The following TIAM1 variants were observed in gnomAD, a reference collection of about 807,000 sequenced individuals.
The protein encoded by TIAM1 is TIAM Rac1 associated GEF 1.
TIAM1 carries 65 observed loss-of-function variants against 163.5 expected under a neutral mutation model. The observed-to-expected ratio is 0.40, with a 90% CI of 0.33 to 0.49. The LOEUF (loss-of-function observed/expected upper bound fraction) is 0.49, where lower values mean the gene tolerates loss of function less well. TIAM1 is among the 20% of genes least tolerant of loss of function. The pLI is 0.77. For missense variants in TIAM1, 1,789 were observed against 2,044.7 expected, an observed-to-expected ratio of 0.87 and a Z score of 2.41; for synonymous variants, 833 against 810.1, an observed-to-expected ratio of 1.03 and a Z score of -0.48.
intron 2 of TIAM1, among the ~76,000 whole-genome samples, chr21:31,355,445 C>A (rs1238290420): frequency 6.6e-6 from 1 of 152,182 alleles, no homozygotes; most frequent in East Asian, 1.9e-4. Flanking sequence ...GTCCTCCTGG[C>A]CAGTGGCCCC....
At chr21:31,196,639 A>C (rs2085874736) in intron 12 of TIAM1, among the ~76,000 whole-genome samples, 1 of 151,936 alleles carries the variant, frequency 6.6e-6, no homozygotes, top group South Asian at 2.1e-4. Context: ...ACACTTATAC[A>C]CTGTTGTTGG....
At chr21:31,190,169 G>C (rs181281332) in intron 13 of TIAM1, among the ~76,000 whole-genome samples, 7 of 152,304 alleles carry the variant, frequency 4.6e-5, no homozygotes, top group Admixed American at 4.6e-4. Context: ...CTCTTGGAAG[G>C]CTGAGGCGGG....
chr21:31,369,636 A>G (rs2076561328), intron 2 of TIAM1, among the ~76,000 whole-genome samples: 1 of 152,234 alleles, frequency 6.6e-6, no homozygotes, highest in Non-Finnish European at 1.5e-5. Context: ...TTTGATCATC[A>G]CACATTGTAT....
At chr21:31,374,325 C>T (rs765345236) in intron 2 of TIAM1, among the ~76,000 whole-genome samples, 2 of 152,210 alleles carry the variant, frequency 1.3e-5, no homozygotes, top group African/African-American at 2.4e-5. Context: ...CTATCCACTA[C>T]AGCATCCAAG....
chr21:31,142,728 AGCAAGGCAG>A (rs1465320222), intron 20 of TIAM1, among the ~76,000 whole-genome samples: 2 of 152,136 alleles, frequency 1.3e-5, no homozygotes, highest in Non-Finnish European at 2.9e-5. Flanking sequence ...AGTGAAGCAG[AGCAAGGCAG>A]GATCTCCCAC....
chr21:31,440,383 G>C (rs2147299362), intron 2 of TIAM1, among the ~76,000 whole-genome samples: 1 of 152,210 alleles, frequency 6.6e-6, no homozygotes. Flanking sequence ...AAGAAAATCT[G>C]ATCACCACAC....
intron 2 of TIAM1, among the ~76,000 whole-genome samples, chr21:31,439,620 A>G (rs1051703967): frequency 3.3e-5 from 5 of 152,196 alleles, no homozygotes; most frequent in African/African-American, 7.2e-5. Context: ...GCATTTGATT[A>G]TAACATCCTA....
intron 27 of TIAM1, among the ~76,000 whole-genome samples, chr21:31,122,616 A>G (rs1198809007): frequency 6.6e-6 from 1 of 152,194 alleles, no homozygotes; most frequent in African/African-American, 2.4e-5. Context: ...AAACATTTTC[A>G]TAAGAAAATA....
chr21:31,488,963 T>C (rs1386234377), intron 1 of TIAM1, among the ~76,000 whole-genome samples: 1 of 151,534 alleles, frequency 6.6e-6, no homozygotes, highest in African/African-American at 2.4e-5. Context: ...CTCTATGCCT[T>C]CCTGTATTGT....
At chr21:31,190,923 G>C (rs2085527864) in intron 13 of TIAM1, among the ~76,000 whole-genome samples, 1 of 152,194 alleles carries the variant, frequency 6.6e-6, no homozygotes, top group Admixed American at 6.5e-5. Flanking sequence ...GCTTTTACTT[G>C]TACTGAACTC....
intron 15 of TIAM1, among the ~76,000 whole-genome samples, chr21:31,174,094 C>A (rs1323036662): frequency 6.6e-6 from 1 of 152,156 alleles, no homozygotes; most frequent in Non-Finnish European, 1.5e-5. Flanking sequence ...AGCCCTGGAC[C>A]ATATTTGTTT....
intron 2 of TIAM1, among the ~76,000 whole-genome samples, chr21:31,390,624 A>T (rs2076951319): frequency 6.6e-6 from 1 of 152,214 alleles, no homozygotes; most frequent in South Asian, 2.1e-4. Context: ...GATCCGTGCA[A>T]CCAAAGACTG....
intron 22 of TIAM1, among the ~76,000 whole-genome samples, chr21:31,139,173 T>C (rs1568898552): frequency 6.6e-6 from 1 of 152,232 alleles, no homozygotes; most frequent in African/African-American, 2.4e-5. Context: ...CATCTTTTTT[T>C]CCTAAATTCT....
intron 1 of TIAM1, among the ~76,000 whole-genome samples, chr21:31,498,143 C>T (rs185736572): frequency 3.3e-5 from 5 of 152,326 alleles, no homozygotes; most frequent in Admixed American, 6.5e-5. Context: ...AGCCTCCCTC[C>T]CTTGGAGATA....
At chr21:31,228,243 A>AT (rs1569068912) in intron 6 of TIAM1, among the ~76,000 whole-genome samples, 784 of 51,780 alleles carry the variant, frequency 0.015, 93 homozygotes, top group South Asian at 0.038. Flanking sequence ...AAAAAAAAAA[A>AT]AAAAAAAAAA....
intron 6 of TIAM1, among the ~76,000 whole-genome samples, chr21:31,242,141 T>G (rs1332132616): frequency 6.6e-6 from 1 of 152,136 alleles, no homozygotes; most frequent in South Asian, 2.1e-4. Flanking sequence ...TTCAAAGAAC[T>G]AAAATAAACC....
chr21:31,474,950 G>A (rs1463515928), intron 1 of TIAM1, among the ~76,000 whole-genome samples: 3 of 151,806 alleles, frequency 2.0e-5, no homozygotes, highest in African/African-American at 4.8e-5. Context: ...CGGTGAAATG[G>A]GAAGATAATT....
Position 31,262,022 on chromosome 21 carries a change from T to C in TIAM1, c.963+3988A>G, listed in dbSNP as rs569480389. ...CTTCCCACAGAACACAGAACCTGGC[T>C]ATAAGGCTCCATCAAACGGCAGGTT... On this transcript the variant is annotated intron_variant, in intron 4 of 27. Transcript: ENST00000541036. Among the ~76,000 whole-genome samples, 7 of 152,346 alleles carry C rather than the reference T, an allele frequency of 4.6e-5. No individual in the cohort carries two copies. The East Asian group carries it at 7.7e-4, about 17-fold the overall frequency.
chr21:31,186,096 A>G (rs549670179), intron 14 of TIAM1, among the ~76,000 whole-genome samples: 30 of 152,348 alleles, frequency 2.0e-4, no homozygotes, highest in Middle Eastern at 3.4e-3. Flanking sequence ...TCTAGGTTGC[A>G]AAGACTTTCC....
Sources: gnomAD v4.1 joint callset for allele counts (sites outside exome capture counted in the v4.1 genomes callset) on GRCh38, gnomAD v4.1.1 for gene constraint, MANE v1.5 for transcripts, NCBI Gene and HGNC (gene_info 2026-07-23, HGNC 2026-07-21) for gene names.